The following PCDHGB3 variants were observed in gnomAD, a reference collection of about 807,000 sequenced individuals.
The protein encoded by PCDHGB3 is protocadherin gamma-B3.
In PCDHGB3, 40 loss-of-function variants were observed where a neutral mutation model predicts 59.2. The ratio of observed to expected loss-of-function variants is 0.68; its 90% CI spans 0.52 to 0.88. PCDHGB3 has a LOEUF of 0.88. Ranked by LOEUF, PCDHGB3 falls within the 40% of genes least tolerant of loss-of-function variation. The pLI is 0.00. For synonymous variants in PCDHGB3, 581 were observed against 503.6 expected, an observed-to-expected ratio of 1.15 and a Z score of -2.06; for missense variants, 1,309 against 1,187.9, an observed-to-expected ratio of 1.10 and a Z score of -1.50.
At chr5:141,433,235 C>T (rs1307904588) in intron 1 of PCDHGB3, 13 of 1,509,616 alleles carry the variant, frequency 8.6e-6, no homozygotes, top group Non-Finnish European at 1.1e-5. Context: ...GCTCTGTCTC[C>T]CAAGCTGGAA....
intron 1 of PCDHGB3, among the ~76,000 whole-genome samples, chr5:141,481,655 T>A (rs933683728): frequency 1.3e-5 from 2 of 152,054 alleles, no homozygotes; most frequent in African/African-American, 4.8e-5. Flanking sequence ...TCATCTCTAC[T>A]AATAATACAA....
At chr5:141,401,721 C>T (rs2094186897) in intron 1 of PCDHGB3, among the ~76,000 whole-genome samples, 1 of 152,142 alleles carries the variant, frequency 6.6e-6, no homozygotes, top group Non-Finnish European at 1.5e-5. Flanking sequence ...AAGACAAAAA[C>T]TACTAGTCTT....
chr5:141,450,669 T>C (rs2098689726), intron 1 of PCDHGB3, among the ~76,000 whole-genome samples: 1 of 151,904 alleles, frequency 6.6e-6, no homozygotes, highest in Admixed American at 6.6e-5. Context: ...GTACTTTTAG[T>C]AGAAACGGGG....
Position 141,489,267 on chromosome 5 carries a change from C to G in PCDHGB3, c.2416-5540C>G. 6.4e-7 allele frequency: 1 copy of G among 1,553,302 alleles called. No homozygotes were observed. Among genetic ancestry groups the G allele is most frequent in the Non-Finnish European group, 8.7e-7 (1 of 1,149,864 alleles). The stretch of plus-strand genomic sequence containing the variant: ...TGGGGCCCAAGACACTCCCACAGCT[C>G]GCTGGGAAATGGCAAGTGCTGTGCA... On this transcript the variant is annotated intron_variant, in intron 1 of 3. Coordinates refer to ENST00000576222, the MANE Select transcript of PCDHGB3 (RefSeq NM_018924.5). The surrounding 1 kb of genome is among the most constrained non-coding windows in gnomAD (Gnocchi z 4.5).
chr5:141,450,734 G>A (rs1365470415), intron 1 of PCDHGB3, among the ~76,000 whole-genome samples: 6 of 151,868 alleles, frequency 4.0e-5, no homozygotes, highest in South Asian at 2.1e-4. Context: ...TGATCCGCCC[G>A]CCTTGGCCTC....
In PCDHGB3 at chr5:141,403,112, C is replaced by CT. The variant is rs765071462; in HGVS notation, c.2415+30304dup. The CT allele has an allele frequency of 3.1e-6, 5 of 1,614,074 alleles. No individual in the cohort carries two copies. In the South Asian group the frequency reaches 5.5e-5, roughly 18 times the overall value. On this transcript the variant is annotated intron_variant, in intron 1 of 3. Transcript: ENST00000576222. Reference sequence around the variant, plus strand: ...GGGCAACATCTCCAAGGACCTGGCTCTGGAGCCCCGGGAGCTGGCGGAGCG... The same window carrying CT: ...GGGCAACATCTCCAAGGACCTGGCTCTTGGAGCCCCGGGAGCTGGCGGAGCG...
At chr5:141,422,345 A>G in intron 1 of PCDHGB3, 1 of 1,551,648 alleles carries the variant, frequency 6.4e-7, no homozygotes, top group South Asian at 1.3e-5. Context: ...CTAAATGTGC[A>G]AGATCAAGAT....
intron 1 of PCDHGB3, chr5:141,383,514 G>C (rs778204328): frequency 6.2e-7 from 1 of 1,612,718 alleles, no homozygotes; most frequent in African/African-American, 1.3e-5. Context: ...GGGAGGAAGA[G>C]CGGGTTCACC....
At chr5:141,505,993 T>TGCGA (rs2099849805) in intron 3 of PCDHGB3, among the ~76,000 whole-genome samples, 1 of 152,188 alleles carries the variant, frequency 6.6e-6, no homozygotes, top group African/African-American at 2.4e-5. Context: ...CTCCTCTTTA[T>TGCGA]GCGAGGCTCC....
intron 1 of PCDHGB3, chr5:141,422,019 G>T (rs777239843): frequency 1.9e-6 from 3 of 1,610,862 alleles, no homozygotes; most frequent in Non-Finnish European, 2.5e-6. Context: ...GGGTGCTGAT[G>T]GTTAATGCAA....
intron 1 of PCDHGB3, chr5:141,405,074 G>T (rs536930748): frequency 2.5e-6 from 4 of 1,613,794 alleles, no homozygotes; most frequent in Non-Finnish European, 3.4e-6. Context: ...CCTCACCTTC[G>T]TTATCACGCT....
rs1415142555 is a variant in PCDHGB3, at chr5:141,476,011, A to G, written c.2416-18796A>G. The G allele has an allele frequency of 7.6e-7, 1 of 1,311,282 alleles. No individual in the cohort carries two copies. The highest frequency in any genetic ancestry group is 1.0e-6 in the Non-Finnish European group (1 of 962,238). 81.2% of individuals were successfully genotyped at this position (1,311,282 alleles called of 1,614,324 possible). ...GCAAATCAACGGCATCCAGAAAGCC[A>G]TGTCGGACTCGGCGCCCAGCGCCCA... On this transcript the variant is annotated intron_variant, in intron 1 of 3. Coordinates refer to ENST00000576222, the MANE Select transcript of PCDHGB3 (RefSeq NM_018924.5). This position sits in a 1 kb window ranked among gnomAD's most constrained non-coding sequence, Gnocchi z 7.6.
chr5:141,386,522 C>CG (rs1554089719), intron 1 of PCDHGB3, among the ~76,000 whole-genome samples: 3 of 152,174 alleles, frequency 2.0e-5, no homozygotes, highest in Admixed American at 2.0e-4. Context: ...CAAAAAAAGA[C>CG]TCTTTTTAGA....
intron 1 of PCDHGB3, chr5:141,383,082 G>A: frequency 1.2e-6 from 2 of 1,613,934 alleles, no homozygotes; most frequent in African/African-American, 2.7e-5. Context: ...AGCTGGCGGA[G>A]CGCGGAGTCC....
chr5:141,370,540 A>C lies in PCDHGB3; in HGVS notation c.146A>C (p.Asn49Thr), dbSNP rs1443482874. The C allele has an allele frequency of 1.9e-6, 3 of 1,613,508 alleles. No homozygotes were observed. Among genetic ancestry groups the C allele is most frequent in the African/African-American group, 1.3e-5 (1 of 74,774 alleles). ...EELDRGSLVG[N>T]LAKDLGFGVG... ...CTGGACAGGGGCTCGCTGGTAGGGA[A>C]CCTCGCCAAGGACCTGGGGTTTGGC... The change falls in exon 1 of 4, where the codon AAC becomes ACC. Residue 49 changes from asparagine (N) to threonine (T), a missense_variant. By Grantham distance (65) the Asn-to-Thr change is moderately conservative. Transcript: ENST00000576222.
intron 1 of PCDHGB3, among the ~76,000 whole-genome samples, chr5:141,480,299 C>T: frequency 7.5e-6 from 1 of 132,466 alleles, no homozygotes; most frequent in Non-Finnish European, 1.6e-5. Flanking sequence ...CCTGTGGTAC[C>T]AGCTACTTGG....
In PCDHGB3 at chr5:141,374,203, G is replaced by T. The variant is rs375029709; in HGVS notation, c.2415+1394G>T. On this transcript the variant is annotated intron_variant, in intron 1 of 3. Transcript: ENST00000576222. ...GCTACTCTATTCCCGAGGAGCTGGA[G>T]AAAGGCTCCTTCGTAGGCAACATCG... 4.3e-6 allele frequency: 7 copies of T among 1,613,808 alleles called. No homozygotes were observed. The East Asian group carries it at 1.1e-4, about 26-fold the overall frequency.
chr5:141,378,980 G>T (rs1336652080), intron 1 of PCDHGB3: 1 of 152,182 alleles, frequency 6.6e-6, no homozygotes, highest in Non-Finnish European at 1.5e-5. Context: ...ATGACTTGTT[G>T]AACTACATTA....
chr5:141,438,998 C>A (rs932958148), intron 1 of PCDHGB3, among the ~76,000 whole-genome samples: 7 of 151,836 alleles, frequency 4.6e-5, no homozygotes, highest in Non-Finnish European at 1.0e-4. Flanking sequence ...GGCTAAGGAC[C>A]TGGTTTGTTT....
Sources: gnomAD v4.1 joint callset for allele counts (sites outside exome capture counted in the v4.1 genomes callset) on GRCh38, gnomAD v4.1.1 for gene constraint, Gnocchi (gnomAD v3.1) non-coding constraint, MANE v1.5 for transcripts, NCBI Gene and HGNC (gene_info 2026-07-23, HGNC 2026-07-21) for gene names.